Variants in DLGAP2 observed in about 807,000 individuals in gnomAD.
DLGAP2 encodes the protein DLG associated protein 2.
DLGAP2 carries 26 observed loss-of-function variants against 100.3 expected under a neutral mutation model. The observed-to-expected ratio is 0.26, with a 90% CI of 0.19 to 0.36. The LOEUF is 0.36. DLGAP2 is among the 10% of genes least tolerant of loss of function. The probability of loss-of-function intolerance (pLI) is 1.00; values close to 1 mark genes in which losing one functional copy is unlikely to be tolerated. For missense variants in DLGAP2, 1,858 were observed against 1,453.2 expected (o/e 1.28, Z -4.53); for synonymous variants, 886 against 630.1 (o/e 1.41, Z -6.08).
chr8:1,409,166 C>G (rs1351292333), intron 3 of DLGAP2, among the ~76,000 whole-genome samples: 5 of 151,154 alleles, frequency 3.3e-5, no homozygotes, highest in African/African-American at 1.2e-4. Context: ...CAGTTCCTTC[C>G]TCACCATAGC....
intron 2 of DLGAP2, among the ~76,000 whole-genome samples, chr8:966,216 C>T (rs1263457426): frequency 1.3e-5 from 2 of 152,128 alleles, no homozygotes; most frequent in East Asian, 1.9e-4. Flanking sequence ...TGAGTTTCAG[C>T]GATTGTTCCA....
chr8:1,641,906 A>G (rs1394460710), intron 8 of DLGAP2, among the ~76,000 whole-genome samples: 10 of 129,100 alleles, frequency 7.7e-5, no homozygotes, highest in African/African-American at 3.2e-4. Flanking sequence ...GTCACCCTCG[A>G]CCCCGCCGGC....
Position 1,364,442 on chromosome 8 carries a change from C to A in DLGAP2, c.106+105559C>A, listed in dbSNP as rs561620178. 8.3e-4 allele frequency among the ~76,000 whole-genome samples: 125 copies of A among 150,962 alleles called. 1 individual carries two copies. The highest frequency in any genetic ancestry group is 2.5e-3 in the African/African-American group (103 of 40,958). ...TCCTCCACCCCGACCTTCAGGAACC[C>A]CAGATTCTGGTGAAAGGGCACCGCT... On this transcript the variant is annotated intron_variant, in intron 3 of 14. Coordinates refer to ENST00000637795, the MANE Select transcript of DLGAP2 (RefSeq NM_001346810.2).
intron 2 of DLGAP2, among the ~76,000 whole-genome samples, chr8:989,524 G>T (rs1260259928): frequency 7.2e-5 from 11 of 152,140 alleles, no homozygotes; most frequent in Non-Finnish European, 1.6e-4. Context: ...CAAAGGCTTT[G>T]GTACCAACTT....
intron 2 of DLGAP2, among the ~76,000 whole-genome samples, chr8:1,188,680 G>C (rs1307825324): frequency 1.3e-5 from 2 of 152,114 alleles, no homozygotes; most frequent in Non-Finnish European, 2.9e-5. Flanking sequence ...CCGGGGGCAG[G>C]AAGAGATGTT....
At chr8:1,187,356 CACGGA>C in intron 2 of DLGAP2, among the ~76,000 whole-genome samples, 9 of 143,124 alleles carry the variant, frequency 6.3e-5, no homozygotes, top group African/African-American at 2.5e-4. Context: ...ACGTTTCCCT[CACGGA>C]ATCTCACACG....
chr8:1,273,481 G>A (rs1799622706), intron 3 of DLGAP2, among the ~76,000 whole-genome samples: 1 of 152,200 alleles, frequency 6.6e-6, no homozygotes, highest in African/African-American at 2.4e-5. Context: ...TTATGCTCAA[G>A]ATGGATGACC....
intron 1 of DLGAP2, among the ~76,000 whole-genome samples, chr8:899,787 T>C (rs1798214193): frequency 1.3e-5 from 2 of 152,216 alleles, no homozygotes; most frequent in South Asian, 2.1e-4. Context: ...AAAGCGTGTA[T>C]TCACATCTCA....
chr8:1,509,935 G>A (rs4876077), intron 4 of DLGAP2, among the ~76,000 whole-genome samples: 2 of 152,074 alleles, frequency 1.3e-5, no homozygotes, highest in Non-Finnish European at 2.9e-5. Context: ...TCTGGAGGAC[G>A]CGGCCGCGGA....
In DLGAP2 at chr8:1,419,395, C is replaced by G. The variant is rs7003649; in HGVS notation, c.107-81971C>G. The stretch of plus-strand genomic sequence containing the variant: ...TATAAATGGTTATTTTTGGTTGACT[C>G]ACAGTAATTGTACATATTTGTGGGA... On this transcript the variant is annotated intron_variant, in intron 3 of 14. Transcript: ENST00000637795. 1.2e-3 allele frequency among the ~76,000 whole-genome samples: 70 copies of G among 56,956 alleles called. 1 individual carries two copies. Among genetic ancestry groups the G allele is most frequent in the African/African-American group, 1.6e-3 (19 of 12,196 alleles). 37.4% of individuals were successfully genotyped at this position (56,956 alleles called of 152,430 possible).
chr8:1,594,674 T>C (rs1212742675), intron 6 of DLGAP2, among the ~76,000 whole-genome samples: 2 of 152,142 alleles, frequency 1.3e-5, no homozygotes, highest in Admixed American at 6.5e-5. Context: ...TCTGCCCACC[T>C]CGGCCTCCCA....
intron 8 of DLGAP2, among the ~76,000 whole-genome samples, chr8:1,662,885 G>A (rs1215429035): frequency 6.7e-6 from 1 of 148,776 alleles, no homozygotes; most frequent in Non-Finnish European, 1.5e-5. Flanking sequence ...GTGTGCGCGT[G>A]TGTACATGTG....
intron 2 of DLGAP2, among the ~76,000 whole-genome samples, chr8:1,198,784 C>T (rs6988661): frequency 0.098 from 14,972 of 152,298 alleles, 801 homozygotes; most frequent in East Asian, 0.18. Context: ...TCCCCTTTCC[C>T]TCGGGAGTGA....
At chr8:1,464,247 A>G (rs1798547353) in intron 3 of DLGAP2, among the ~76,000 whole-genome samples, 4 of 136,408 alleles carry the variant, frequency 2.9e-5, no homozygotes, top group East Asian at 2.0e-4. Context: ...ACACCCTTCC[A>G]GGACGGCTCC....
chr8:844,280 A>G (rs1239308518), intron 1 of DLGAP2, among the ~76,000 whole-genome samples: 1 of 152,214 alleles, frequency 6.6e-6, no homozygotes, highest in Non-Finnish European at 1.5e-5. Flanking sequence ...TTAAAAAGAC[A>G]TTTTTATTGA....
At chr8:1,170,463 A>T (rs552471788) in intron 2 of DLGAP2, among the ~76,000 whole-genome samples, 1 of 152,152 alleles carries the variant, frequency 6.6e-6, no homozygotes, top group African/African-American at 2.4e-5. Flanking sequence ...CAATGGTACC[A>T]GTTCATCCTT....
Position 1,273,235 on chromosome 8 carries a change from A to G in DLGAP2, c.106+14352A>G, listed in dbSNP as rs1799617581. ...CCAGCCACAAACACACATGCACCCT[A>G]ATATCCAGTACTTGGGTGTGGAAAG... On this transcript the variant is annotated intron_variant, in intron 3 of 14. Transcript: ENST00000637795. Among the ~76,000 whole-genome samples the G allele has an allele frequency of 2.6e-5, 4 of 152,296 alleles. No homozygotes were observed. In the South Asian group the frequency reaches 8.3e-4, roughly 32 times the overall value.
chr8:1,474,887 A>C (rs1798890471), intron 3 of DLGAP2, among the ~76,000 whole-genome samples: 1 of 152,252 alleles, frequency 6.6e-6, no homozygotes, highest in South Asian at 2.1e-4. Context: ...CTAGGTATAT[A>C]GCCAAAGAAA....
At position 1,350,843 on chromosome 8, in the gene DLGAP2, C is replaced by A. The variant is rs1346531604; in HGVS notation, c.106+91960C>A. ...CGGGTCCTGAGTGTGCGTGGAAAGG[C>A]CGTGCGGGTCCTGACAGTGTGTGGA... On this transcript the variant is annotated intron_variant, in intron 3 of 14. Transcript: ENST00000637795. Among the ~76,000 whole-genome samples the A allele has an allele frequency of 2.3e-4, 13 of 56,116 alleles. 1 individual carries two copies. The highest frequency in any genetic ancestry group is 4.0e-4 in the Non-Finnish European group (11 of 27,748). 36.8% of individuals were successfully genotyped at this position (56,116 alleles called of 152,430 possible).
Sources: gnomAD v4.1 joint callset for allele counts (sites outside exome capture counted in the v4.1 genomes callset) on GRCh38, gnomAD v4.1.1 for gene constraint, MANE v1.5 for transcripts, NCBI Gene and HGNC (gene_info 2026-07-23, HGNC 2026-07-21) for gene names.